SYN3: variants seen among roughly 807,000 people sequenced by gnomAD.
SYN3 encodes the protein synapsin III, also known as synapsin-3.
In SYN3, 35 loss-of-function variants were observed where a neutral mutation model predicts 65.8. The ratio of observed to expected loss-of-function variants is 0.53; its 90% confidence interval spans 0.41 to 0.70. The LOEUF (loss-of-function observed/expected upper bound fraction) is 0.70, where lower values mean the gene tolerates loss of function less well. SYN3 is among the 30% of genes least tolerant of loss of function. The pLI, the probability that SYN3 is intolerant of heterozygous loss-of-function variation, is 0.00. For synonymous variants in SYN3, 270 were observed against 292.9 expected (o/e 0.92, Z 0.80); for missense variants, 680 against 749.0 (o/e 0.91, Z 1.08).
chr22:32,735,884 C>T (rs1033768082), intron 6 of SYN3, among the ~76,000 whole-genome samples: 1 of 152,212 alleles, frequency 6.6e-6, no homozygotes, highest in Non-Finnish European at 1.5e-5. Context: ...CTTAAGCTGG[C>T]TGACCCGAGG....
At position 32,931,369 on chromosome 22, in the gene SYN3, G is replaced by A. The variant is rs115731271; in HGVS notation, c.461+21C>T. The A allele has an allele frequency of 1.9e-3, 2,924 of 1,537,540 alleles. 39 individuals are homozygous for A. In the African/African-American group the frequency reaches 0.033, roughly 17 times the overall value. On this transcript the variant is annotated intron_variant, in intron 4 of 13. Transcript: ENST00000358763. ...ACGTATGCAATTCTCAGAAGGTTCT[G>A]CATATTTTAATCCTACTTACCTCAC... is the stretch of plus-strand genomic sequence containing the variant.
intron 6 of SYN3, among the ~76,000 whole-genome samples, chr22:32,613,603 C>T (rs1160512996): frequency 4.6e-5 from 7 of 152,172 alleles, no homozygotes; most frequent in African/African-American, 1.4e-4. Flanking sequence ...TCATTGGTTG[C>T]CCAACATGGA....
At chr22:32,565,413 G>GTGTA (rs925585723) in intron 7 of SYN3, among the ~76,000 whole-genome samples, 14 of 151,848 alleles carry the variant, frequency 9.2e-5, no homozygotes, top group African/African-American at 3.4e-4. Context: ...AATTTTAATA[G>GTGTA]TGTATGTATG....
At chr22:32,902,122 T>C (rs1043550511) in intron 4 of SYN3, among the ~76,000 whole-genome samples, 1 of 152,230 alleles carries the variant, frequency 6.6e-6, no homozygotes, top group African/African-American at 2.4e-5. Context: ...GGAGGCACCT[T>C]CCAGGCAGCC....
intron 1 of SYN3, among the ~76,000 whole-genome samples, chr22:33,048,848 G>A (rs1308578338): frequency 1.3e-5 from 2 of 152,104 alleles, no homozygotes; most frequent in Admixed American, 6.6e-5. Flanking sequence ...ACTGAATGAC[G>A]GAAACCTTGC....
intron 6 of SYN3, among the ~76,000 whole-genome samples, chr22:32,745,375 C>T (rs1043306441): frequency 1.3e-5 from 2 of 152,210 alleles, no homozygotes; most frequent in Admixed American, 6.5e-5. Context: ...GGACTCCACC[C>T]GTCTTCAAAC....
intron 4 of SYN3, among the ~76,000 whole-genome samples, chr22:32,925,047 G>A (rs780895895): frequency 5.3e-5 from 8 of 152,072 alleles, no homozygotes; most frequent in South Asian, 2.1e-4. Context: ...AGCAGTGATC[G>A]CATCACTGTA....
chr22:33,017,467 G>C (rs1170309559), intron 1 of SYN3, among the ~76,000 whole-genome samples: 3 of 152,144 alleles, frequency 2.0e-5, no homozygotes, highest in Admixed American at 6.5e-5. Context: ...GATCATTTTG[G>C]TTAGTACGGA....
chr22:33,018,622 A>T (rs2053510622), intron 1 of SYN3, among the ~76,000 whole-genome samples: 1 of 152,220 alleles, frequency 6.6e-6, no homozygotes, highest in East Asian at 1.9e-4. Flanking sequence ...TCATAAGGAT[A>T]CGTTTTGCAT....
chr22:32,861,573 C>A (rs1028670677), intron 6 of SYN3: 2 of 152,580 alleles, frequency 1.3e-5, no homozygotes, highest in Non-Finnish European at 2.9e-5. Context: ...TTCGCACTCC[C>A]TGGTGTGGTC....
At chr22:32,993,470 C>A (rs775440036) in intron 2 of SYN3, among the ~76,000 whole-genome samples, 1 of 152,162 alleles carries the variant, frequency 6.6e-6, no homozygotes, top group Admixed American at 6.5e-5. Flanking sequence ...ATTCTCCTCC[C>A]GAGTAGCTGG....
chr22:32,508,351 A>G lies in SYN3; in HGVS notation c.*5341T>C, dbSNP rs1056853629. Among the ~76,000 whole-genome samples the G allele has an allele frequency of 6.6e-6, 1 of 151,692 alleles. No individual in the cohort carries two copies. The highest frequency in any genetic ancestry group is 2.4e-5 in the African/African-American group (1 of 41,254). On this transcript the variant is annotated 3_prime_UTR_variant, in exon 14 of 14. Coordinates refer to ENST00000358763, the MANE Select transcript of SYN3 (RefSeq NM_003490.4). ...CAACCCCCTTTGCATGTAATTTTCC[A>G]TTACCTTCCCAAATCCTATAAAACG...
chr22:32,685,900 A>G (rs1163096470), intron 6 of SYN3, among the ~76,000 whole-genome samples: 1 of 152,208 alleles, frequency 6.6e-6, no homozygotes, highest in African/African-American at 2.4e-5. Context: ...AGTCTTTCCA[A>G]ATTATGTTTC....
chr22:32,792,146 G>T (rs929486986), intron 6 of SYN3, among the ~76,000 whole-genome samples: 1 of 152,174 alleles, frequency 6.6e-6, no homozygotes, highest in Non-Finnish European at 1.5e-5. Flanking sequence ...AAAATCCTAC[G>T]AGGTATGCAT....
intron 7 of SYN3, among the ~76,000 whole-genome samples, chr22:32,573,574 GCTAAT>G (rs1392756231): frequency 6.6e-6 from 1 of 152,052 alleles, no homozygotes; most frequent in African/African-American, 2.4e-5. Flanking sequence ...TAAAATTACA[GCTAAT>G]CTAATGCTAC....
At chr22:33,053,683 C>T (rs1437526699) in intron 1 of SYN3, among the ~76,000 whole-genome samples, 2 of 152,142 alleles carry the variant, frequency 1.3e-5, no homozygotes, top group Non-Finnish European at 2.9e-5. Flanking sequence ...GCTTCTGTTA[C>T]AAATTCAGCT....
At chr22:32,566,699 C>T (rs1415516047) in intron 7 of SYN3, among the ~76,000 whole-genome samples, 1 of 152,096 alleles carries the variant, frequency 6.6e-6, no homozygotes, top group Non-Finnish European at 1.5e-5. Flanking sequence ...AGAATGGAGA[C>T]AACTACAGGC....
At chr22:32,954,954 TC>T (rs143249106) in intron 3 of SYN3, among the ~76,000 whole-genome samples, 28,648 of 146,718 alleles carry the variant, frequency 0.2, 3,336 homozygotes, top group Non-Finnish European at 0.27. Flanking sequence ...TTTTTTTTTT[TC>T]TTTTCATTTT....
In SYN3 at chr22:32,511,951, G is replaced by A. The variant is rs574381747; in HGVS notation, c.*1741C>T. Among the ~76,000 whole-genome samples the A allele has an allele frequency of 4.1e-4, 63 of 152,328 alleles. No individual in the cohort carries two copies. Among genetic ancestry groups the A allele is most frequent in the South Asian group, 2.5e-3 (12 of 4,828 alleles). ...TGAAGAGGACTGTCCTAAAGGCCAAGTGGCTTTCTGGCAGCCAGGTGCACA... is the reference window on the plus strand; with the variant it reads ...TGAAGAGGACTGTCCTAAAGGCCAAATGGCTTTCTGGCAGCCAGGTGCACA... On this transcript the variant is annotated 3_prime_UTR_variant, in exon 14 of 14. Coordinates refer to ENST00000358763, the MANE Select transcript of SYN3 (RefSeq NM_003490.4).
Sources: allele counts gnomAD v4.1 joint callset (sites outside exome capture counted in the v4.1 genomes callset), GRCh38; gene constraint gnomAD v4.1.1; transcripts MANE v1.5; gene names NCBI Gene and HGNC (gene_info 2026-07-23, HGNC 2026-07-21).